The following BCKDHB variants were observed in gnomAD, a reference collection of about 807,000 sequenced individuals.
The protein encoded by BCKDHB is 2-oxoisovalerate dehydrogenase subunit beta, mitochondrial.
BCKDHB carries 41 observed loss-of-function variants against 48.5 expected under a neutral mutation model. The ratio of observed to expected loss-of-function variants is 0.85; its 90% CI spans 0.66 to 1.10. The LOEUF (loss-of-function observed/expected upper bound fraction) is 1.10. Ranked by LOEUF, BCKDHB falls within the 50% of genes least tolerant of loss-of-function variation. The pLI is 0.00. For missense variants in BCKDHB, 496 were observed against 494.2 expected (o/e 1.00, Z -0.03); for synonymous variants, 201 against 174.8 (o/e 1.15, Z -1.18).
At chr6:80,229,705 G>A (rs996946515) in intron 8 of BCKDHB, among the ~76,000 whole-genome samples, 5 of 151,910 alleles carry the variant, frequency 3.3e-5, no homozygotes, top group African/African-American at 1.2e-4. Context: ...AAATAATTTA[G>A]AATCAATGAA....
At chr6:80,173,317 CT>C (rs1391130102) in intron 6 of BCKDHB, among the ~76,000 whole-genome samples, 4 of 152,098 alleles carry the variant, frequency 2.6e-5, no homozygotes, top group Non-Finnish European at 4.4e-5. Context: ...GATTCTAACT[CT>C]GAATCCCTTC....
At chr6:80,433,234 C>T in the BCKDHB span, among the ~76,000 whole-genome samples, 16 of 88,224 alleles carry the variant, frequency 1.8e-4, no homozygotes, top group Non-Finnish European at 2.4e-4. Context: ...CAGGCGGGGA[C>T]GTATAAGTCT....
At chr6:80,332,485 G>T (rs1030712265) in intron 9 of BCKDHB, among the ~76,000 whole-genome samples, 18 of 152,226 alleles carry the variant, frequency 1.2e-4, no homozygotes, top group African/African-American at 3.6e-4. Flanking sequence ...AAAATACTGA[G>T]AGGAGAGGTT....
intron 9 of BCKDHB, among the ~76,000 whole-genome samples, chr6:80,342,182 G>A (rs1769939108): frequency 6.6e-6 from 1 of 152,056 alleles, no homozygotes; most frequent in South Asian, 2.1e-4. Context: ...AGGGGGTAGG[G>A]ATAAAGCATG....
intron 8 of BCKDHB, among the ~76,000 whole-genome samples, chr6:80,225,563 G>A (rs1775645244): frequency 1.3e-5 from 2 of 152,084 alleles, no homozygotes; most frequent in Non-Finnish European, 2.9e-5. Context: ...TTTCTTAGAA[G>A]GTCACTTAGG....
At chr6:80,422,568 C>A in the BCKDHB span, among the ~76,000 whole-genome samples, 1 of 152,190 alleles carries the variant, frequency 6.6e-6, no homozygotes, top group Non-Finnish European at 1.5e-5. Flanking sequence ...CCCATGAAAG[C>A]ATCTGTGGGG....
At chr6:80,372,078 G>T in the BCKDHB span, among the ~76,000 whole-genome samples, 1 of 151,992 alleles carries the variant, frequency 6.6e-6, no homozygotes, top group Non-Finnish European at 1.5e-5. Flanking sequence ...TGGCAGTATG[G>T]TCATTTTCAC....
At chr6:80,115,631 G>C (rs1035665134) in intron 1 of BCKDHB, among the ~76,000 whole-genome samples, 5 of 151,178 alleles carry the variant, frequency 3.3e-5, no homozygotes, top group African/African-American at 9.8e-5. Context: ...TGCGATAAAT[G>C]CTGGGGTTTC....
chr6:80,304,448 C>G (rs760680980), intron 9 of BCKDHB, among the ~76,000 whole-genome samples: 13 of 152,198 alleles, frequency 8.5e-5, no homozygotes, highest in Non-Finnish European at 1.6e-4. Context: ...TCAAATCTTC[C>G]TATAGCATGA....
chr6:80,431,528 G>A, the BCKDHB span, among the ~76,000 whole-genome samples: 5 of 152,130 alleles, frequency 3.3e-5, no homozygotes, highest in Admixed American at 1.3e-4. Flanking sequence ...TGTAAATTTA[G>A]GAAAGTTACC....
the BCKDHB span, among the ~76,000 whole-genome samples, chr6:80,446,885 T>C: frequency 1.3e-5 from 2 of 152,032 alleles, no homozygotes; most frequent in South Asian, 4.2e-4. Flanking sequence ...GGGTTTATCT[T>C]ATGGTTGGAA....
intron 9 of BCKDHB, among the ~76,000 whole-genome samples, chr6:80,336,493 A>AAAAC (rs1357440795): frequency 2.7e-5 from 2 of 73,110 alleles, no homozygotes; most frequent in Non-Finnish European, 6.3e-5. Context: ...TAGCAAAAAA[A>AAAAC]ACCAAAAAAA....
intron 1 of BCKDHB, among the ~76,000 whole-genome samples, chr6:80,116,184 C>G (rs9448886): frequency 7.9e-5 from 12 of 151,998 alleles, no homozygotes; most frequent in Non-Finnish European, 1.5e-4. Flanking sequence ...GCTTCTCTTT[C>G]CCTTTAACAC....
At chr6:80,425,019 T>C in the BCKDHB span, among the ~76,000 whole-genome samples, 1 of 152,238 alleles carries the variant, frequency 6.6e-6, no homozygotes, top group Admixed American at 6.5e-5. Flanking sequence ...AGAAGAGGAA[T>C]GGCCAAAATT....
chr6:80,458,845 A>G, the BCKDHB span, among the ~76,000 whole-genome samples: 4 of 152,292 alleles, frequency 2.6e-5, no homozygotes, highest in African/African-American at 9.6e-5. Context: ...TAAAAAAATC[A>G]CCTAACTGTC....
At chr6:80,256,887 C>T (rs1777074354) in intron 8 of BCKDHB, among the ~76,000 whole-genome samples, 1 of 152,114 alleles carries the variant, frequency 6.6e-6, no homozygotes, top group African/African-American at 2.4e-5. Flanking sequence ...AAAACAGAGA[C>T]TCCTAATTAG....
At chr6:80,276,852 G>A (rs921859743) in intron 9 of BCKDHB, among the ~76,000 whole-genome samples, 2 of 151,798 alleles carry the variant, frequency 1.3e-5, no homozygotes, top group Non-Finnish European at 2.9e-5. Flanking sequence ...TATATATAGA[G>A]AGAAATAAAT....
intron 5 of BCKDHB, chr6:80,169,839 G>A: frequency 6.2e-7 from 1 of 1,608,514 alleles, no homozygotes; most frequent in Non-Finnish European, 8.5e-7. Context: ...TCTTAGTTGA[G>A]TAGATGTTGC....
intron 3 of BCKDHB, among the ~76,000 whole-genome samples, chr6:80,154,693 A>G (rs1406680068): frequency 6.6e-6 from 1 of 152,150 alleles, no homozygotes; most frequent in Non-Finnish European, 1.5e-5. Context: ...TTAAAAAGTA[A>G]AAGTACTTTT....
Sources: gnomAD v4.1 joint callset for allele counts (sites outside exome capture counted in the v4.1 genomes callset) on GRCh38, gnomAD v4.1.1 for gene constraint, MANE v1.5 for transcripts, NCBI Gene and HGNC (gene_info 2026-07-23, HGNC 2026-07-21) for gene names.